GNAQ: variants seen among roughly 807,000 people sequenced by gnomAD.
The protein encoded by GNAQ is guanine nucleotide-binding protein G(q) subunit alpha.
Under a neutral mutation model 43.9 loss-of-function variants are expected in GNAQ, and 8 were observed. That is an observed-to-expected ratio of 0.18 (90% CI 0.11 to 0.33). The LOEUF is 0.33. Ranked by LOEUF, GNAQ falls within the 10% of genes least tolerant of loss-of-function variation. The pLI is 1.00. For missense variants in GNAQ, 158 were observed against 450.8 expected, an observed-to-expected ratio of 0.35 and a Z score of 5.88; for synonymous variants, 155 against 170.7, an observed-to-expected ratio of 0.91 and a Z score of 0.71.
chr9:78,029,321 G>C (rs1587469053), intron 1 of GNAQ, among the ~76,000 whole-genome samples: 1 of 151,976 alleles, frequency 6.6e-6, no homozygotes, highest in South Asian at 2.1e-4. Flanking sequence ...CTTAAAACAA[G>C]TCTCTCTAAA....
At chr9:77,870,757 T>C (rs1377632458) in intron 2 of GNAQ, among the ~76,000 whole-genome samples, 3 of 151,946 alleles carry the variant, frequency 2.0e-5, no homozygotes, top group African/African-American at 7.3e-5. Context: ...TAAACTGTGG[T>C]ACATTCCAAA....
At chr9:77,738,460 G>C (rs983780991) in intron 5 of GNAQ, among the ~76,000 whole-genome samples, 12 of 152,026 alleles carry the variant, frequency 7.9e-5, no homozygotes, top group Non-Finnish European at 1.8e-4. Context: ...GGTCATGATA[G>C]AACACTTTAA....
intron 5 of GNAQ, among the ~76,000 whole-genome samples, chr9:77,749,080 G>GC (rs1303554275): frequency 3.9e-5 from 6 of 152,158 alleles, no homozygotes; most frequent in Non-Finnish European, 8.8e-5. Context: ...CTACCTCCCT[G>GC]CCCCATGTTC....
intron 2 of GNAQ, among the ~76,000 whole-genome samples, chr9:77,853,957 T>C (rs1017926737): frequency 2.0e-5 from 3 of 152,236 alleles, no homozygotes; most frequent in African/African-American, 7.2e-5. Context: ...GTTGATATGA[T>C]GACAAGCCAC....
At chr9:77,905,260 G>C (rs997003727) in intron 2 of GNAQ, among the ~76,000 whole-genome samples, 14 of 152,152 alleles carry the variant, frequency 9.2e-5, no homozygotes, top group African/African-American at 2.9e-4. Flanking sequence ...TGCTATTATA[G>C]TAACAATTCC....
chr9:77,720,903 G>T lies in GNAQ; in HGVS notation c.*420C>A, dbSNP rs929515721. 1 of 239,532 alleles carries T rather than the reference G, an allele frequency of 4.2e-6. No individual in the cohort carries two copies. The highest frequency in any genetic ancestry group is 8.2e-6 in the Non-Finnish European group (1 of 122,216). 14.8% of individuals were successfully genotyped at this position (239,532 alleles called of 1,614,324 possible). A position where few individuals can be genotyped will look rare whatever the true frequency, so the allele number is the denominator to read the frequency against. ...GACCAAGAATGGAACTAGGATAAAGGCCATTGTAACCTGGGAAAAACATCA... is the reference window on the plus strand; with the variant it reads ...GACCAAGAATGGAACTAGGATAAAGTCCATTGTAACCTGGGAAAAACATCA... On this transcript the variant is annotated 3_prime_UTR_variant, in exon 7 of 7. Transcript: ENST00000286548.
intron 5 of GNAQ, among the ~76,000 whole-genome samples, chr9:77,785,111 G>A (rs1454189386): frequency 6.6e-6 from 1 of 152,086 alleles, no homozygotes; most frequent in Non-Finnish European, 1.5e-5. Flanking sequence ...TTATCAAGAG[G>A]GTCTTTGCTG....
intron 1 of GNAQ, among the ~76,000 whole-genome samples, chr9:77,981,866 A>G (rs1303222111): frequency 5.3e-5 from 8 of 152,194 alleles, no homozygotes; most frequent in Non-Finnish European, 1.2e-4. Flanking sequence ...GGAATTCCCT[A>G]TCACTTCCAT....
intron 2 of GNAQ, among the ~76,000 whole-genome samples, chr9:77,908,842 A>G (rs1268815979): frequency 6.6e-6 from 1 of 152,178 alleles, no homozygotes; most frequent in African/African-American, 2.4e-5. Context: ...TCTCAGGCCC[A>G]CCCTGGATCT....
At chr9:77,917,987 C>T (rs1828938450) in intron 2 of GNAQ, among the ~76,000 whole-genome samples, 1 of 152,128 alleles carries the variant, frequency 6.6e-6, no homozygotes, top group African/African-American at 2.4e-5. Context: ...ACCATTTGGT[C>T]CAGAGACTGT....
At chr9:77,884,936 G>A (rs554628759) in intron 2 of GNAQ, among the ~76,000 whole-genome samples, 5 of 152,200 alleles carry the variant, frequency 3.3e-5, no homozygotes, top group South Asian at 2.1e-4. Flanking sequence ...GTGATCTTGC[G>A]GAAATACACC....
chr9:77,959,068 T>C (rs1587431408), intron 1 of GNAQ, among the ~76,000 whole-genome samples: 1 of 152,270 alleles, frequency 6.6e-6, no homozygotes, highest in East Asian at 1.9e-4. Flanking sequence ...TTGAAAGGTG[T>C]GGTATATAAA....
intron 3 of GNAQ, among the ~76,000 whole-genome samples, chr9:77,807,449 CAT>C (rs1332158759): frequency 2.0e-5 from 3 of 152,204 alleles, no homozygotes; most frequent in Non-Finnish European, 4.4e-5. Flanking sequence ...TCACATGACA[CAT>C]AATCCTTGCA....
intron 1 of GNAQ, among the ~76,000 whole-genome samples, chr9:77,981,404 C>G (rs1373524300): frequency 6.6e-6 from 1 of 152,212 alleles, no homozygotes; most frequent in African/African-American, 2.4e-5. Flanking sequence ...TGAGCACTTC[C>G]TTTGCAAGAG....
intron 2 of GNAQ, among the ~76,000 whole-genome samples, chr9:77,827,199 A>G (rs1395308209): frequency 6.6e-6 from 1 of 151,934 alleles, no homozygotes; most frequent in Non-Finnish European, 1.5e-5. Context: ...TAAAACAGGC[A>G]AAGACCACAA....
At chr9:77,822,170 A>C (rs1408032625) in intron 2 of GNAQ, among the ~76,000 whole-genome samples, 1 of 152,160 alleles carries the variant, frequency 6.6e-6, no homozygotes, top group African/African-American at 2.4e-5. Flanking sequence ...GAATTTTCCA[A>C]ACTTGTTTGA....
At chr9:78,027,978 G>A (rs1010198236) in intron 1 of GNAQ, among the ~76,000 whole-genome samples, 1 of 151,992 alleles carries the variant, frequency 6.6e-6, no homozygotes, top group African/African-American at 2.4e-5. Context: ...GGCACTCAAG[G>A]CCACTTGTAT....
chr9:77,771,552 A>G (rs967687594), intron 5 of GNAQ, among the ~76,000 whole-genome samples: 1 of 152,216 alleles, frequency 6.6e-6, no homozygotes, highest in African/African-American at 2.4e-5. Context: ...GGATGTCTGC[A>G]GCTCTCTGGG....
chr9:77,736,978 C>T (rs1825585584), intron 5 of GNAQ, among the ~76,000 whole-genome samples: 1 of 152,204 alleles, frequency 6.6e-6, no homozygotes, highest in South Asian at 2.1e-4. Flanking sequence ...TATTTTTTTA[C>T]TTTATGCTTA....
Sources: allele counts gnomAD v4.1 joint callset (sites outside exome capture counted in the v4.1 genomes callset), GRCh38; gene constraint gnomAD v4.1.1; transcripts MANE v1.5; gene names NCBI Gene and HGNC (gene_info 2026-07-23, HGNC 2026-07-21).